Variants in GRIA1 observed in about 807,000 individuals in gnomAD.
GRIA1 encodes glutamate ionotropic receptor AMPA type subunit 1.
GRIA1 carries 31 observed loss-of-function variants against 99.2 expected under a neutral mutation model. The ratio of observed to expected loss-of-function variants is 0.31; its 90% CI spans 0.23 to 0.42. GRIA1 has a LOEUF of 0.42. GRIA1 is among the 10% of genes least tolerant of loss of function. The pLI is 1.00. For missense variants in GRIA1, 782 were observed against 1,157.5 expected (o/e 0.68, Z 4.71); for synonymous variants, 438 against 432.4 (o/e 1.01, Z -0.16).
At chr5:153,798,509 G>C (rs1765788859) in intron 14 of GRIA1, among the ~76,000 whole-genome samples, 1 of 152,200 alleles carries the variant, frequency 6.6e-6, no homozygotes, top group Non-Finnish European at 1.5e-5. Flanking sequence ...GATATAGAGA[G>C]AAGCAAAACT....
At chr5:153,810,989 A>C (rs1363116320) in intron 15 of GRIA1, 36 bp from the exon 16 acceptor site, 1 of 1,525,482 alleles carries the variant, frequency 6.6e-7, no homozygotes, top group Non-Finnish European at 9.1e-7. Context: ...GTCATTGCCA[A>C]GGACCCGGGG....
chr5:153,618,016 G>A (rs987591673), intron 2 of GRIA1, among the ~76,000 whole-genome samples: 1 of 152,216 alleles, frequency 6.6e-6, no homozygotes, highest in Non-Finnish European at 1.5e-5. Context: ...TGGGGTGGAT[G>A]TAGTAACAAC....
chr5:153,656,383 T>TTATATATATATATATATATATATATATA (rs60245651), intron 5 of GRIA1, among the ~76,000 whole-genome samples: 28 of 92,618 alleles, frequency 3.0e-4, no homozygotes, highest in East Asian at 5.2e-4. Context: ...ATAAGTTTGT[T>TTATATATATATATATATATATATATATA]TATATATATA....
intron 2 of GRIA1, among the ~76,000 whole-genome samples, chr5:153,560,840 G>A (rs1431254067): frequency 6.6e-6 from 1 of 152,182 alleles, no homozygotes. Context: ...GAGTTTTGGA[G>A]AAGCCTCCTT....
chr5:153,496,341 G>C (rs10515688), intron 2 of GRIA1, among the ~76,000 whole-genome samples: 38,579 of 152,064 alleles, frequency 0.25, 6,032 homozygotes, highest in Non-Finnish European at 0.36. Context: ...ATGAATTCCT[G>C]TCTTGTTCGT....
chr5:153,797,711 C>T (rs567502410), intron 14 of GRIA1, among the ~76,000 whole-genome samples: 18 of 152,290 alleles, frequency 1.2e-4, no homozygotes, highest in African/African-American at 4.3e-4. Flanking sequence ...GGATGTTCTG[C>T]GGTGCATTGT....
intron 2 of GRIA1, among the ~76,000 whole-genome samples, chr5:153,614,270 G>A (rs1278702942): frequency 6.6e-6 from 1 of 152,164 alleles, no homozygotes; most frequent in East Asian, 1.9e-4. Context: ...AGCCCTATAA[G>A]GACAAAGACC....
At chr5:153,722,809 A>G (rs1178200281) in intron 11 of GRIA1, among the ~76,000 whole-genome samples, 1 of 152,192 alleles carries the variant, frequency 6.6e-6, no homozygotes, top group Non-Finnish European at 1.5e-5. Context: ...CTCCTACGAG[A>G]AAATGTCTGC....
In GRIA1 at chr5:153,661,416, G is replaced by T. The variant is rs1030803377; in HGVS notation, c.699+5544G>T. On this transcript the variant is annotated intron_variant, in intron 5 of 15. Coordinates refer to ENST00000285900, the MANE Select transcript of GRIA1 (RefSeq NM_000827.4). ...TGTACATTCTTATAGGGTTTTATGAGAACTAAGTGAGATCCCTCAACGCTC... is the reference window on the plus strand; with the variant it reads ...TGTACATTCTTATAGGGTTTTATGATAACTAAGTGAGATCCCTCAACGCTC... Among the ~76,000 whole-genome samples the T allele has an allele frequency of 1.6e-4, 25 of 152,140 alleles. No homozygotes were observed. In the Middle Eastern group the frequency reaches 9.5e-3, roughly 58 times the overall value.
intron 2 of GRIA1, among the ~76,000 whole-genome samples, chr5:153,619,495 G>A (rs1428058142): frequency 2.0e-5 from 3 of 152,082 alleles, no homozygotes; most frequent in East Asian, 1.9e-4. Flanking sequence ...AGAGACAGGA[G>A]GATAATCAGG....
intron 2 of GRIA1, among the ~76,000 whole-genome samples, chr5:153,600,285 G>A (rs1462901635): frequency 6.6e-6 from 1 of 151,392 alleles, no homozygotes; most frequent in Non-Finnish European, 1.5e-5. Context: ...CCAGATACTC[G>A]GGAGGCTGAG....
intron 2 of GRIA1, among the ~76,000 whole-genome samples, chr5:153,495,639 G>C (rs1412911070): frequency 6.6e-6 from 1 of 152,176 alleles, no homozygotes; most frequent in Non-Finnish European, 1.5e-5. Flanking sequence ...AAATAAAATA[G>C]CAATTCTTCA....
At chr5:153,592,232 A>T (rs1315151089) in intron 2 of GRIA1, among the ~76,000 whole-genome samples, 3 of 152,198 alleles carry the variant, frequency 2.0e-5, no homozygotes, top group Admixed American at 2.0e-4. Context: ...GAACTCACAG[A>T]AGGTGGTAAA....
At chr5:153,718,702 C>T (rs1759835481) in intron 11 of GRIA1, among the ~76,000 whole-genome samples, 1 of 152,178 alleles carries the variant, frequency 6.6e-6, no homozygotes, top group African/African-American at 2.4e-5. Flanking sequence ...AATCACCTCA[C>T]TTCCTTCCCA....
At chr5:153,500,610 T>TACACACACAC (rs35636352) in intron 2 of GRIA1, among the ~76,000 whole-genome samples, 24 of 120,168 alleles carry the variant, frequency 2.0e-4, no homozygotes, top group East Asian at 1.0e-3. Flanking sequence ...CCCTCTTACA[T>TACACACACAC]ACACACACAC....
chr5:153,605,005 G>A (rs1353582373), intron 2 of GRIA1, among the ~76,000 whole-genome samples: 2 of 152,062 alleles, frequency 1.3e-5, no homozygotes, highest in Non-Finnish European at 2.9e-5. Flanking sequence ...TGACCAACAC[G>A]GCAAAACCCC....
At chr5:153,556,589 A>C (rs1196482590) in intron 2 of GRIA1, among the ~76,000 whole-genome samples, 1 of 152,200 alleles carries the variant, frequency 6.6e-6, no homozygotes, top group Non-Finnish European at 1.5e-5. Context: ...ACTAGTAAGA[A>C]ATGTGATCTT....
chr5:153,681,373 T>G (rs1401755499), intron 7 of GRIA1, among the ~76,000 whole-genome samples: 1 of 152,112 alleles, frequency 6.6e-6, no homozygotes, highest in Non-Finnish European at 1.5e-5. Context: ...GGGACAAATA[T>G]CCAAACTATA....
Position 153,499,613 on chromosome 5 carries a change from C to CAAAAAAAA in GRIA1, c.220+5568_220+5575dup, listed in dbSNP as rs70976100. On this transcript the variant is annotated intron_variant, in intron 2 of 15. Coordinates refer to ENST00000285900, the MANE Select transcript of GRIA1 (RefSeq NM_000827.4). Reference sequence around the variant, plus strand: ...CTGGCAACAGAGCGAGAATTTGTCTCAAAAAAAAAAAAAAAAAAAAAAAAA... The same window carrying CAAAAAAAA: ...CTGGCAACAGAGCGAGAATTTGTCTCAAAAAAAAAAAAAAAAAAAAAAAAAAAAAAAAA... Among the ~76,000 whole-genome samples the CAAAAAAAA allele has an allele frequency of 2.7e-3, 113 of 42,114 alleles. 7 individuals carry two copies. Among genetic ancestry groups the CAAAAAAAA allele is most frequent in the African/African-American group, 9.6e-3 (103 of 10,780 alleles). The allele number at this position is 42,114 out of a possible 152,430, so 27.6% of individuals were successfully genotyped here.
Sources: allele counts gnomAD v4.1 joint callset (sites outside exome capture counted in the v4.1 genomes callset), GRCh38; gene constraint gnomAD v4.1.1; transcripts MANE v1.5; gene names NCBI Gene and HGNC (gene_info 2026-07-23, HGNC 2026-07-21).